Variants in GRAP2 observed in about 807,000 individuals in gnomAD.
GRAP2 encodes the protein GRB2-related adapter protein 2.
In GRAP2, 31 loss-of-function variants were observed where a neutral mutation model predicts 43.5. That is an observed-to-expected ratio of 0.71 (90% CI 0.54 to 0.96). The LOEUF (loss-of-function observed/expected upper bound fraction) is 0.96, where lower values mean the gene tolerates loss of function less well. Among genes scored for constraint, GRAP2 ranks in the 40% least tolerant of loss-of-function variants. The pLI is 0.00. For missense variants in GRAP2, 371 were observed against 424.4 expected (o/e 0.87, Z 1.11); for synonymous variants, 156 against 164.8 (o/e 0.95, Z 0.41).
chr22:39,900,707 A>T (rs992292956), upstream of GRAP2, among the ~76,000 whole-genome samples: 19 of 152,216 alleles, frequency 1.2e-4, no homozygotes, highest in Non-Finnish European at 2.9e-5. Context: ...GAGTAATATT[A>T]GAGGCTGAGT....
chr22:39,956,468 T>C (rs2067052834), intron 3 of GRAP2, among the ~76,000 whole-genome samples: 1 of 151,266 alleles, frequency 6.6e-6, no homozygotes, highest in Non-Finnish European at 1.5e-5. Context: ...ATTTTAAGTT[T>C]TGGGTTTTTT....
At chr22:39,910,869 G>C (rs1011111518) in intron 1 of GRAP2, among the ~76,000 whole-genome samples, 2 of 152,152 alleles carry the variant, frequency 1.3e-5, no homozygotes, top group Non-Finnish European at 2.9e-5. Flanking sequence ...CCTCCCTGCA[G>C]GTGAGTACTT....
intron 1 of GRAP2, among the ~76,000 whole-genome samples, chr22:39,921,715 G>A (rs559382612): frequency 6.6e-6 from 1 of 152,296 alleles, no homozygotes; most frequent in Admixed American, 6.5e-5. Context: ...CAGAAATATT[G>A]TCTAGGAAAA....
chr22:39,896,752 A>C (rs570266662), upstream of GRAP2, among the ~76,000 whole-genome samples: 1 of 152,182 alleles, frequency 6.6e-6, no homozygotes, highest in South Asian at 2.1e-4. Context: ...AAGTGACAAT[A>C]TGTAAGGGGT....
At position 39,910,660 on chromosome 22, in the gene GRAP2, G is replaced by A. The variant is rs186533003; in HGVS notation, c.-15+9330G>A. Among the ~76,000 whole-genome samples, 68 of 151,532 alleles carry A rather than the reference G, an allele frequency of 4.5e-4. No homozygotes were observed. In the East Asian group the frequency reaches 0.011, roughly 25 times the overall value. ...CTGACATTGTGATCCGCCTGCCTCG[G>A]CCTCGCAAAGTGCTGGGATTACAGG... On this transcript the variant is annotated intron_variant, in intron 1 of 7. Coordinates refer to ENST00000344138, the MANE Select transcript of GRAP2 (RefSeq NM_004810.4).
upstream of GRAP2, among the ~76,000 whole-genome samples, chr22:39,899,146 A>G (rs986943970): frequency 2.6e-5 from 4 of 152,216 alleles, no homozygotes; most frequent in African/African-American, 9.7e-5. Context: ...TATGCTCTAC[A>G]TAACATGTCT....
At chr22:39,954,416 G>A (rs76366863) in intron 2 of GRAP2, among the ~76,000 whole-genome samples, 2 of 151,248 alleles carry the variant, frequency 1.3e-5, no homozygotes, top group Non-Finnish European at 2.9e-5. Flanking sequence ...TTTTTTTTTT[G>A]AGAGAGGCTT....
intron 1 of GRAP2, among the ~76,000 whole-genome samples, chr22:39,904,492 A>G (rs1290986463): frequency 2.0e-5 from 3 of 152,254 alleles, no homozygotes; most frequent in Admixed American, 1.3e-4. Context: ...AGGTTCAACA[A>G]TTGCTAACTC....
chr22:39,962,697 G>A (rs1392194114), intron 4 of GRAP2, among the ~76,000 whole-genome samples: 2 of 151,590 alleles, frequency 1.3e-5, no homozygotes, highest in African/African-American at 4.9e-5. Flanking sequence ...TCGCTCTGTC[G>A]CCCAGGCTGG....
chr22:39,897,040 C>A (rs1601679665), upstream of GRAP2, among the ~76,000 whole-genome samples: 2 of 152,172 alleles, frequency 1.3e-5, no homozygotes, highest in South Asian at 4.1e-4. Context: ...TATATTCACT[C>A]CACAGGTAGT....
rs145937810 is a variant in GRAP2, at chr22:39,942,646, C to T, written c.-14-4447C>T. 8.8e-4 allele frequency among the ~76,000 whole-genome samples: 134 copies of T among 151,818 alleles called. No individual in the cohort carries two copies. In the East Asian group the frequency reaches 0.023, roughly 26 times the overall value. ...ACCAAAAAAAAAAAAAAAAATTAGCCGGATGTGATGACACACATCTGTGGT... is the reference window on the plus strand; with the variant it reads ...ACCAAAAAAAAAAAAAAAAATTAGCTGGATGTGATGACACACATCTGTGGT... On this transcript the variant is annotated intron_variant, in intron 1 of 7. Transcript: ENST00000344138.
In GRAP2 at chr22:39,938,158, C is replaced by G. The variant is rs983820961; in HGVS notation, c.-14-8935C>G. On this transcript the variant is annotated intron_variant, in intron 1 of 7. Transcript: ENST00000344138. ...AGTCTCCTGACTTGTCTTCTTCCTT[C>G]TCTACTTCCCTCCCTTCACTACCCC... is the stretch of plus-strand genomic sequence containing the variant. 2.0e-5 allele frequency among the ~76,000 whole-genome samples: 3 copies of G among 152,122 alleles called. No homozygotes were observed. The East Asian group carries it at 5.8e-4, about 29-fold the overall frequency.
intron 1 of GRAP2, among the ~76,000 whole-genome samples, chr22:39,911,925 G>A (rs1312967930): frequency 1.3e-5 from 2 of 152,204 alleles, no homozygotes; most frequent in Non-Finnish European, 2.9e-5. Context: ...CTTATGCACA[G>A]TAAAATCTGA....
intron 7 of GRAP2, 120 bp from the exon 8 acceptor site, chr22:39,970,785 G>A (rs190881111): frequency 1.7e-4 from 157 of 901,804 alleles, no homozygotes; most frequent in Non-Finnish European, 2.4e-4. Flanking sequence ...GCTGCAGAGG[G>A]GTCAGCCTTC....
chr22:39,905,303 C>T (rs776285085), intron 1 of GRAP2, among the ~76,000 whole-genome samples: 1 of 152,008 alleles, frequency 6.6e-6, no homozygotes, highest in Non-Finnish European at 1.5e-5. Flanking sequence ...AAGATGGACT[C>T]GACATGCAAA....
intron 3 of GRAP2, among the ~76,000 whole-genome samples, chr22:39,956,394 G>A (rs916092976): frequency 9.9e-5 from 15 of 152,050 alleles, no homozygotes; most frequent in African/African-American, 3.6e-4. Context: ...CTGACCTCAA[G>A]TGATCTGCCG....
chr22:39,943,473 A>C (rs2066890578), intron 1 of GRAP2, among the ~76,000 whole-genome samples: 1 of 152,002 alleles, frequency 6.6e-6, no homozygotes, highest in South Asian at 2.1e-4. Context: ...TAAGCGAGAG[A>C]GGTGCAGAGG....
chr22:39,896,515 T>TGG (rs1415279050), upstream of GRAP2, among the ~76,000 whole-genome samples: 3 of 152,010 alleles, frequency 2.0e-5, no homozygotes, highest in Non-Finnish European at 2.9e-5. Context: ...GAGCAACAGG[T>TGG]GGGAGATGTT....
At position 39,955,803 on chromosome 22, in the gene GRAP2, CT is replaced by C; in HGVS notation, c.79-12del. The C allele has an allele frequency of 7.2e-7, 1 of 1,379,788 alleles. No individual in the cohort carries two copies. The highest frequency in any genetic ancestry group is 1.7e-5 in the Admixed American group (1 of 59,682). The allele number at this position is 1,379,788 out of a possible 1,614,324, so 85.5% of individuals were successfully genotyped here. A position where few individuals can be genotyped will look rare whatever the true frequency, so the allele number is the denominator to read the frequency against. ...CCTCCCTCCAATGTCTTTGTCTTTC[CT>C]TTTCTTCCATGTAGATTTTAAGTAA... On this transcript the variant is annotated splice_polypyrimidine_tract_variant and intron_variant, in intron 2 of 7. Coordinates refer to ENST00000344138, the MANE Select transcript of GRAP2 (RefSeq NM_004810.4).
Sources: allele counts gnomAD v4.1 joint callset (sites outside exome capture counted in the v4.1 genomes callset), GRCh38; gene constraint gnomAD v4.1.1; transcripts MANE v1.5; gene names NCBI Gene and HGNC (gene_info 2026-07-23, HGNC 2026-07-21).